The following CCNYL1 variants were observed in gnomAD, a reference collection of about 807,000 sequenced individuals.
CCNYL1 encodes cyclin Y like 1.
CCNYL1 carries 16 observed loss-of-function variants against 44.2 expected under a neutral mutation model. The ratio of observed to expected loss-of-function variants is 0.36; its 90% confidence interval spans 0.25 to 0.55. The LOEUF (loss-of-function observed/expected upper bound fraction) is 0.55, where lower values mean the gene tolerates loss of function less well. CCNYL1 is among the 20% of genes least tolerant of loss of function. The probability of loss-of-function intolerance (pLI) is 0.85; values close to 1 mark genes in which losing one functional copy is unlikely to be tolerated. For missense variants in CCNYL1, 348 were observed against 451.8 expected, an observed-to-expected ratio of 0.77 and a Z score of 2.08; for synonymous variants, 159 against 163.2, an observed-to-expected ratio of 0.97 and a Z score of 0.20.
At chr2:207,751,625 AG>A (rs1190300509) in intron 9 of CCNYL1, among the ~76,000 whole-genome samples, 1 of 151,888 alleles carries the variant, frequency 6.6e-6, no homozygotes, top group African/African-American at 2.4e-5. Flanking sequence ...GAGGCCGAGG[AG>A]GGCAGATCAC....
chr2:207,729,232 T>C (rs918903833), intron 3 of CCNYL1, among the ~76,000 whole-genome samples: 2 of 144,988 alleles, frequency 1.4e-5, no homozygotes, highest in Non-Finnish European at 3.0e-5. Context: ...GTTTCTGCAT[T>C]GATCTTTACT....
At chr2:207,736,508 T>C (rs1323670219) in intron 4 of CCNYL1, among the ~76,000 whole-genome samples, 1 of 152,378 alleles carries the variant, frequency 6.6e-6, no homozygotes, top group African/African-American at 2.4e-5. Context: ...TATTACACTT[T>C]GTAGTTTTAT....
chr2:207,740,894 C>T (rs868552347), intron 6 of CCNYL1, among the ~76,000 whole-genome samples, 188 bp downstream of exon 6: 6 of 152,056 alleles, frequency 3.9e-5, no homozygotes, highest in Admixed American at 2.6e-4. Flanking sequence ...ATATGATAGC[C>T]GCTCGTGGCT....
At chr2:207,747,266 C>A in intron 8 of CCNYL1, 53 bp downstream of exon 8, 1 of 1,468,618 alleles carries the variant, frequency 6.8e-7, no homozygotes, top group Non-Finnish European at 9.3e-7. Context: ...GTATCTTATT[C>A]CTATAAAGTT....
chr2:207,753,821 CA>C lies in CCNYL1; in HGVS notation c.*125del. The C allele has an allele frequency of 3.2e-6, 2 of 619,730 alleles. No individual in the cohort carries two copies. The highest frequency in any genetic ancestry group is 5.9e-5 in the Admixed American group (2 of 33,736). 38.4% of individuals were successfully genotyped at this position (619,730 alleles called of 1,614,324 possible). Reference sequence around the variant, plus strand: ...TCATCAAAAGGAAAGATCTCAAATTCAAGAGACTCATGGACAACAAGGATTA... The same window carrying C: ...TCATCAAAAGGAAAGATCTCAAATTCAGAGACTCATGGACAACAAGGATTA... On this transcript the variant is annotated 3_prime_UTR_variant, in exon 10 of 10. Coordinates refer to ENST00000295414, the MANE Select transcript of CCNYL1 (RefSeq NM_001330218.2).
At chr2:207,737,295 C>A in intron 4 of CCNYL1, 116 bp from the exon 5 acceptor site, 1 of 764,166 alleles carries the variant, frequency 1.3e-6, no homozygotes, top group Non-Finnish European at 2.3e-6. Context: ...CTGTTCTGAA[C>A]TAGAGGATTT....
chr2:207,729,442 G>A (rs1237512665), intron 3 of CCNYL1, among the ~76,000 whole-genome samples: 1 of 151,948 alleles, frequency 6.6e-6, no homozygotes, highest in Non-Finnish European at 1.5e-5. Flanking sequence ...CCACTCCCAT[G>A]CATTCCTTTT....
intron 7 of CCNYL1, among the ~76,000 whole-genome samples, chr2:207,743,014 T>C (rs1211558147): frequency 6.6e-6 from 1 of 152,200 alleles, no homozygotes; most frequent in South Asian, 2.1e-4. Context: ...ATTGTTTTAC[T>C]CCTCCCCACA....
At chr2:207,746,608 C>T (rs138829984) in intron 7 of CCNYL1, among the ~76,000 whole-genome samples, 1 of 152,178 alleles carries the variant, frequency 6.6e-6, no homozygotes, top group African/African-American at 2.4e-5. Context: ...TAAGCAAAGT[C>T]TCTGTAGAAC....
At chr2:207,741,707 A>G (rs1275163457) in intron 6 of CCNYL1, among the ~76,000 whole-genome samples, 2 of 151,812 alleles carry the variant, frequency 1.3e-5, no homozygotes, top group Admixed American at 6.6e-5. Context: ...TTAGCCGGAC[A>G]TGTTGGTGCA....
intron 4 of CCNYL1, among the ~76,000 whole-genome samples, 177 bp from the exon 5 acceptor site, chr2:207,737,234 G>A (rs1253886032): frequency 2.6e-5 from 4 of 152,024 alleles, no homozygotes; most frequent in African/African-American, 7.2e-5. Context: ...ATTTTGGTTC[G>A]TGTATTTTTG....
At chr2:207,753,494 G>A in intron 9 of CCNYL1, 94 bp from the exon 10 acceptor site, 1 of 783,578 alleles carries the variant, frequency 1.3e-6, no homozygotes. Flanking sequence ...CTATCTAAAG[G>A]AGTCCACATG....
At chr2:207,735,746 A>G (rs1408906982) in intron 4 of CCNYL1, among the ~76,000 whole-genome samples, 1 of 152,128 alleles carries the variant, frequency 6.6e-6, no homozygotes, top group Admixed American at 6.5e-5. Context: ...GTGCACCTGT[A>G]ATCCCAGCTA....
At chr2:207,742,404 C>G in intron 7 of CCNYL1, 62 bp downstream of exon 7, 1 of 1,423,754 alleles carries the variant, frequency 7.0e-7, no homozygotes. Context: ...GGGTATGGTC[C>G]TATTTTTCAA....
Position 207,711,761 on chromosome 2 carries a change from G to C in CCNYL1, c.-136G>C. ...GCGAACCGCGGGCGAGGCGGCGTCT[G>C]CTTGCGCGGTGCAGCCCCAGCGTAG... On this transcript the variant is annotated 5_prime_UTR_variant, in exon 1 of 10. Transcript: ENST00000295414. 1 of 481,504 alleles carries C rather than the reference G, an allele frequency of 2.1e-6. No homozygotes were observed. The highest frequency in any genetic ancestry group is 3.3e-6 in the Non-Finnish European group (1 of 305,576). 29.8% of individuals were successfully genotyped at this position (481,504 alleles called of 1,614,324 possible). A position where few individuals can be genotyped will look rare whatever the true frequency, so the allele number is the denominator to read the frequency against.
intron 8 of CCNYL1, among the ~76,000 whole-genome samples, chr2:207,750,401 T>A (rs1575225365): frequency 6.6e-6 from 1 of 152,170 alleles, no homozygotes. Flanking sequence ...GTAATGTAGC[T>A]TGCTTATTTA....
In CCNYL1 at chr2:207,755,083, A is replaced by G. The variant is rs1241963910; in HGVS notation, c.*1385A>G. ...ATCTCTTAGAAAAATGCAAAATTAAATGCAAAAGAAATGGGCTGGGCATAG... is the reference window on the plus strand; with the variant it reads ...ATCTCTTAGAAAAATGCAAAATTAAGTGCAAAAGAAATGGGCTGGGCATAG... On this transcript the variant is annotated 3_prime_UTR_variant, in exon 10 of 10. Coordinates refer to ENST00000295414, the MANE Select transcript of CCNYL1 (RefSeq NM_001330218.2). The G allele has an allele frequency of 6.6e-6, 1 of 152,088 alleles. No homozygotes were observed. Among genetic ancestry groups the G allele is most frequent in the East Asian group, 1.9e-4 (1 of 5,146 alleles). The allele number at this position is 152,088 out of a possible 1,614,324, so 9.4% of individuals were successfully genotyped here.
intron 1 of CCNYL1, among the ~76,000 whole-genome samples, chr2:207,722,438 A>T (rs981031304): frequency 1.3e-5 from 2 of 151,954 alleles, no homozygotes; most frequent in Non-Finnish European, 2.9e-5. Context: ...AATACATAGT[A>T]GCACATCTTG....
At chr2:207,730,149 G>A (rs2105827180) in intron 3 of CCNYL1, among the ~76,000 whole-genome samples, 1 of 152,300 alleles carries the variant, frequency 6.6e-6, no homozygotes, top group South Asian at 2.1e-4. Context: ...TTCTCAGTGT[G>A]TAGTTTTTTT....
Sources: allele counts gnomAD v4.1 joint callset (sites outside exome capture counted in the v4.1 genomes callset), GRCh38; gene constraint gnomAD v4.1.1; transcripts MANE v1.5; gene names NCBI Gene and HGNC (gene_info 2026-07-23, HGNC 2026-07-21).